HYDIN: variants seen among roughly 807,000 people sequenced by gnomAD.
HYDIN encodes the protein axonemal central pair apparatus protein HYDIN.
A neutral mutation model predicts 403.9 loss-of-function variants in HYDIN; 132 were observed. That is an observed-to-expected ratio of 0.33 (90% confidence interval 0.28 to 0.38). The LOEUF is 0.38. Ranked by LOEUF, HYDIN falls within the 10% of genes least tolerant of loss-of-function variation. The pLI is 1.00. For synonymous variants in HYDIN, 1,202 were observed against 1,891.7 expected (o/e 0.64, Z 9.46); for missense variants, 2,827 against 5,009.5 (o/e 0.56, Z 13.15).
Position 71,020,297 on chromosome 16 carries a change from T to A in HYDIN, c.3207A>T (p.Lys1069Asn), listed in dbSNP as rs2080434775. The change falls in exon 22 of 86, where the codon AAA becomes AAT. Residue 1069 changes from lysine (K) to asparagine (N), a missense_variant. Coordinates refer to ENST00000393567, the MANE Select transcript of HYDIN (RefSeq NM_001270974.2). The stretch of plus-strand genomic sequence containing the variant: ...TTATGGCCAAGGGCTGGTAATCAGG[T>A]TTCAGGATACTGTTAGGTTTCTGCA... Reference protein sequence around the residue: ...RLEKKPNSILKPDYQPLAIKN... With the variant: ...RLEKKPNSILNPDYQPLAIKN... The A allele has an allele frequency of 6.2e-7, 1 of 1,613,798 alleles. No individual in the cohort carries two copies. The highest frequency in any genetic ancestry group is 1.7e-5 in the Admixed American group (1 of 59,978).
In HYDIN at chr16:70,807,677, G is replaced by C; in HGVS notation, c.15269C>G (p.Thr5090Ser). The change falls in exon 86 of 86, where the codon ACC becomes AGC. Residue 5090 changes from threonine (T) to serine (S), a missense_variant. Physicochemically the swap from Thr to Ser is moderately conservative, Grantham distance 58. Transcript: ENST00000393567. ...SFEGNPSGSKTPITTKLTVSC... is the reference protein window; with the variant it reads ...SFEGNPSGSKSPITTKLTVSC... ...CACAGTCAGCTTGGTGGTGATGGGG[G>C]TTTTGCTGCCAGATGGGTTTCCTTC... is the stretch of plus-strand genomic sequence containing the variant. The C allele has an allele frequency of 6.2e-7, 1 of 1,614,132 alleles. No individual in the cohort carries two copies.
At chr16:71,028,411 A>T (rs1248420603) in intron 19 of HYDIN, among the ~76,000 whole-genome samples, 1 of 152,002 alleles carries the variant, frequency 6.6e-6, no homozygotes, top group Non-Finnish European at 1.5e-5. Flanking sequence ...TGCTTTAAAG[A>T]TGTTGCAATT....
rs1462484815 is a variant in HYDIN, at chr16:70,973,381, T to A, written c.5341A>T (p.Lys1781Ter). ...ATGAATTTCACTTGCACGTTGGACT[T>A]CTCACCAGGATCCAAGACTCCAGAA... ...PISGVLDPGE[K>*]SNVQVKFMPK... Residue 1781 changes from lysine (K) to a stop codon, truncating the protein, a stop_gained, in exon 35 of 86, where the codon AAG becomes TAG. Transcript: ENST00000393567. LOFTEE classifies it high-confidence loss of function. 1 of 523,192 alleles carries A rather than the reference T, an allele frequency of 1.9e-6. No homozygotes were observed. The highest frequency in any genetic ancestry group is 3.3e-6 in the Non-Finnish European group (1 of 300,098). The allele number at this position is 523,192 out of a possible 1,614,324, so 32.4% of individuals were successfully genotyped here. A position where few individuals can be genotyped will look rare whatever the true frequency, so the allele number is the denominator to read the frequency against.
intron 23 of HYDIN, among the ~76,000 whole-genome samples, chr16:70,993,149 C>A (rs1452759150): frequency 6.6e-6 from 1 of 152,222 alleles, no homozygotes; most frequent in Non-Finnish European, 1.5e-5. Flanking sequence ...CAGAGCATTT[C>A]ATCTGCACTT....
intron 1 of HYDIN, among the ~76,000 whole-genome samples, chr16:71,222,511 AG>A (rs1265252254): frequency 6.6e-6 from 1 of 152,128 alleles, no homozygotes; most frequent in African/African-American, 2.4e-5. Context: ...AAAAAAATAA[AG>A]GGCATCCAAA....
In HYDIN at chr16:71,132,115, T is replaced by G. The variant is rs1381025730; in HGVS notation, c.1044-2292A>C. ...GGTTGGAAGGATTAGAATGGATTTT[T>G]GCCCTCATCTTTGTGCTTAATATTT... is the stretch of plus-strand genomic sequence containing the variant. On this transcript the variant is annotated intron_variant, in intron 8 of 85. Transcript: ENST00000393567. 2.3e-3 allele frequency: 220 copies of G among 95,386 alleles called. 1 individual carries two copies. Among genetic ancestry groups the G allele is most frequent in the African/African-American group, 8.8e-3 (209 of 23,634 alleles). 5.9% of individuals were successfully genotyped at this position (95,386 alleles called of 1,614,324 possible).
chr16:70,913,067 T>C lies in HYDIN; in HGVS notation c.8005-4206A>G, dbSNP rs189073213. Among the ~76,000 whole-genome samples, 481 of 152,274 alleles carry C rather than the reference T, an allele frequency of 3.2e-3. 4 individuals carry two copies. The highest frequency in any genetic ancestry group is 4.5e-3 in the Non-Finnish European group (309 of 68,026). On this transcript the variant is annotated intron_variant, in intron 47 of 85. Transcript: ENST00000393567. ...TAATGGTCTATCAATTTTATTTATC[T>C]CTTCAAAGAACCAGCTTTTTGTTTC...
At chr16:71,216,996 C>G (rs1188012899) in intron 1 of HYDIN, among the ~76,000 whole-genome samples, 2 of 152,182 alleles carry the variant, frequency 1.3e-5, no homozygotes, top group Non-Finnish European at 2.9e-5. Flanking sequence ...AAGAGTTTTA[C>G]AGCCAGCAGG....
intron 18 of HYDIN, among the ~76,000 whole-genome samples, chr16:71,058,683 G>A (rs2081982583): frequency 6.7e-6 from 1 of 149,320 alleles, no homozygotes; most frequent in East Asian, 1.9e-4. Flanking sequence ...GTCTGTTCTT[G>A]TGCAAAAATA....
intron 64 of HYDIN, among the ~76,000 whole-genome samples, chr16:70,872,397 TCCATC>T (rs2040170767): frequency 6.8e-6 from 1 of 146,240 alleles, no homozygotes; most frequent in African/African-American, 2.7e-5. Context: ...CATCCATCCA[TCCATC>T]CATCCATCCA....
intron 13 of HYDIN, among the ~76,000 whole-genome samples, chr16:71,073,991 ACAT>A (rs1452611931): frequency 2.6e-5 from 4 of 152,134 alleles, no homozygotes; most frequent in Non-Finnish European, 2.9e-5. Flanking sequence ...ATCTATCTCA[ACAT>A]CATCAATTCC....
intron 23 of HYDIN, among the ~76,000 whole-genome samples, chr16:71,015,692 C>T (rs1376937385): frequency 1.3e-5 from 2 of 149,886 alleles, no homozygotes; most frequent in South Asian, 2.2e-4. Flanking sequence ...AGCGAGCCAT[C>T]GTTACCGTGG....
In HYDIN at chr16:70,818,338, G is replaced by A. The variant is rs372756840; in HGVS notation, c.14658+4C>T. On this transcript the variant is annotated splice_donor_region_variant and intron_variant, in intron 84 of 85. Coordinates refer to ENST00000393567, the MANE Select transcript of HYDIN (RefSeq NM_001270974.2). ...GGGAGCCCCCGACAGCCAAGGGGCC[G>A]TACCTCGGAGTTGGCAGGCACCACA... The A allele has an allele frequency of 1.9e-5, 30 of 1,609,416 alleles. No homozygotes were observed. The East Asian group carries it at 2.2e-4, about 12-fold the overall frequency.
At chr16:70,813,246 C>T (rs905905564) in intron 84 of HYDIN, among the ~76,000 whole-genome samples, 9 of 150,814 alleles carry the variant, frequency 6.0e-5, no homozygotes, top group Non-Finnish European at 1.0e-4. Flanking sequence ...CCACCGCGCC[C>T]GGCCTGTGGC....
At chr16:71,116,888 C>G (rs2144471771) in intron 9 of HYDIN, among the ~76,000 whole-genome samples, 2 of 152,242 alleles carry the variant, frequency 1.3e-5, no homozygotes, top group Middle Eastern at 6.8e-3. Flanking sequence ...TGGCTATTCA[C>G]TGTTTGCCCA....
chr16:71,223,126 A>C (rs750483697), intron 1 of HYDIN, among the ~76,000 whole-genome samples: 31 of 152,232 alleles, frequency 2.0e-4, no homozygotes, highest in Non-Finnish European at 1.2e-4. Context: ...AAAAATGGGC[A>C]CATAGACCAA....
intron 67 of HYDIN, among the ~76,000 whole-genome samples, chr16:70,863,951 C>T (rs2143627124): frequency 6.6e-6 from 1 of 152,078 alleles, no homozygotes; most frequent in South Asian, 2.1e-4. Context: ...CCTTTCCTGA[C>T]TGAGGCACAG....
At chr16:70,843,306 T>C (rs1422080725) in intron 75 of HYDIN, among the ~76,000 whole-genome samples, 1 of 145,276 alleles carries the variant, frequency 6.9e-6, no homozygotes, top group Non-Finnish European at 1.5e-5. Context: ...GGTTTTTTGT[T>C]CTTGCGATAG....
At chr16:71,027,392 G>A (rs887252267) in intron 20 of HYDIN, 6 of 1,442,166 alleles carry the variant, frequency 4.2e-6, no homozygotes, top group Non-Finnish European at 5.4e-6. Context: ...TTTAAGATTG[G>A]GTTCACAGTA....
Sources: allele counts gnomAD v4.1 joint callset (sites outside exome capture counted in the v4.1 genomes callset), GRCh38; gene constraint gnomAD v4.1.1; transcripts MANE v1.5; gene names NCBI Gene and HGNC (gene_info 2026-07-23, HGNC 2026-07-21).